Variants in LEKR1 observed in about 807,000 individuals in gnomAD.
The protein encoded by LEKR1 is protein LEKR1.
A neutral mutation model predicts 72.4 loss-of-function variants in LEKR1; 59 were observed. That is an observed-to-expected ratio of 0.82 (90% CI 0.66 to 1.01). The LOEUF (loss-of-function observed/expected upper bound fraction) is 1.01. Ranked by LOEUF, LEKR1 falls within the 50% of genes least tolerant of loss-of-function variation. The pLI is 0.00. For synonymous variants in LEKR1, 257 were observed against 263.2 expected, an observed-to-expected ratio of 0.98 and a Z score of 0.23; for missense variants, 728 against 759.2, an observed-to-expected ratio of 0.96 and a Z score of 0.48.
chr3:156,944,871 A>G (rs141895517), intron 6 of LEKR1, among the ~76,000 whole-genome samples: 1,939 of 151,886 alleles, frequency 0.013, 19 homozygotes, highest in Middle Eastern at 0.034. Flanking sequence ...TAGTGCTGCA[A>G]TAAACATGGG....
intron 7 of LEKR1, among the ~76,000 whole-genome samples, chr3:156,990,714 G>A (rs925914350): frequency 6.6e-6 from 1 of 152,182 alleles, no homozygotes; most frequent in African/African-American, 2.4e-5. Flanking sequence ...GGTTTAGTAA[G>A]TAGAAGCCCC....
chr3:157,043,516 G>C (rs1735522132), intron 12 of LEKR1, among the ~76,000 whole-genome samples: 1 of 151,570 alleles, frequency 6.6e-6, no homozygotes, highest in Non-Finnish European at 1.5e-5. Flanking sequence ...TAATGAATTA[G>C]ACAACTAATT....
At chr3:156,930,719 C>G (rs2108576727) in intron 5 of LEKR1, among the ~76,000 whole-genome samples, 1 of 152,132 alleles carries the variant, frequency 6.6e-6, no homozygotes, top group East Asian at 1.9e-4. Flanking sequence ...GCATATGGAT[C>G]AACAAAGATG....
In LEKR1 at chr3:157,037,796, G is replaced by A. The variant is rs370753702; in HGVS notation, c.1669-7544G>A. ...CTGAAGGAGGGGTGCTATATTAGAT[G>A]GGGTAGTAAGAGGACTCTGAGGAAA... On this transcript the variant is annotated intron_variant, in intron 12 of 12. Transcript: ENST00000356539. 2.6e-5 allele frequency among the ~76,000 whole-genome samples: 4 copies of A among 152,290 alleles called. No homozygotes were observed. The East Asian group carries it at 7.7e-4, about 29-fold the overall frequency.
At chr3:156,909,297 T>TA (rs1326253961) in intron 3 of LEKR1, among the ~76,000 whole-genome samples, 1 of 152,180 alleles carries the variant, frequency 6.6e-6, no homozygotes, top group East Asian at 1.9e-4. Flanking sequence ...CATTATCCTT[T>TA]ATTTCTAAAT....
intron 9 of LEKR1, among the ~76,000 whole-genome samples, chr3:157,003,886 C>A (rs1426220569): frequency 6.6e-6 from 1 of 151,702 alleles, no homozygotes; most frequent in Non-Finnish European, 1.5e-5. Flanking sequence ...AATCATAAAA[C>A]ATGCAAAATC....
intron 6 of LEKR1, among the ~76,000 whole-genome samples, chr3:156,968,649 T>G (rs2107989958): frequency 6.6e-6 from 1 of 152,252 alleles, no homozygotes; most frequent in East Asian, 1.9e-4. Flanking sequence ...AGAAAGAGAC[T>G]TAGACTCCCC....
chr3:156,949,650 G>A (rs967030520), intron 6 of LEKR1, among the ~76,000 whole-genome samples: 1 of 151,190 alleles, frequency 6.6e-6, no homozygotes. Flanking sequence ...TAACAGTCCC[G>A]ACCTTCTAGG....
At chr3:156,853,057 T>G (rs1377642088) in intron 3 of LEKR1, 75 bp downstream of exon 3, 1 of 982,462 alleles carries the variant, frequency 1.0e-6, no homozygotes, top group Non-Finnish European at 1.5e-6. Context: ...CTTTGAATGT[T>G]TTTCTAAAAT....
rs189813879 is a variant in LEKR1 at position 157,029,569 on chromosome 3, A to T, written c.1668+1167A>T. Among the ~76,000 whole-genome samples the T allele has an allele frequency of 2.0e-5, 3 of 152,176 alleles. No homozygotes were observed. In the East Asian group the frequency reaches 5.8e-4, roughly 29 times the overall value. On this transcript the variant is annotated intron_variant, in intron 12 of 12. Coordinates refer to ENST00000356539, the MANE Select transcript of LEKR1 (RefSeq NM_001004316.3). Reference sequence around the variant, plus strand: ...GACTTAGCAGTTATAATCTCCAGGGACTCAATTTTCTTTTAGTATTATAAT... The same window carrying T: ...GACTTAGCAGTTATAATCTCCAGGGTCTCAATTTTCTTTTAGTATTATAAT...
chr3:156,991,485 A>G (rs1303377518), intron 7 of LEKR1, among the ~76,000 whole-genome samples: 1 of 152,134 alleles, frequency 6.6e-6, no homozygotes, highest in East Asian at 1.9e-4. Context: ...TACATAATTC[A>G]TTGTGTGATT....
At chr3:156,909,328 A>G (rs1161166294) in intron 3 of LEKR1, among the ~76,000 whole-genome samples, 1 of 151,732 alleles carries the variant, frequency 6.6e-6, no homozygotes, top group Non-Finnish European at 1.5e-5. Context: ...TTCCATTTTT[A>G]TTTTCTATTT....
chr3:157,039,344 A>G (rs960776781), intron 12 of LEKR1, among the ~76,000 whole-genome samples: 3 of 152,242 alleles, frequency 2.0e-5, no homozygotes, highest in African/African-American at 7.2e-5. Context: ...GTTCAGGCCA[A>G]GTGTGGTGGC....
chr3:156,919,451 T>C (rs938752093), intron 3 of LEKR1, among the ~76,000 whole-genome samples: 1 of 152,222 alleles, frequency 6.6e-6, no homozygotes, highest in Non-Finnish European at 1.5e-5. Flanking sequence ...TGGGAGCTTA[T>C]TCCTCTGCTG....
chr3:157,021,646 A>T (rs1471136198), intron 10 of LEKR1, among the ~76,000 whole-genome samples: 3 of 152,160 alleles, frequency 2.0e-5, no homozygotes, highest in Non-Finnish European at 4.4e-5. Flanking sequence ...GTATTTGGAA[A>T]GATGTCGTTT....
intron 11 of LEKR1, among the ~76,000 whole-genome samples, chr3:157,025,573 A>G (rs965096475): frequency 2.0e-5 from 3 of 152,194 alleles, no homozygotes; most frequent in African/African-American, 4.8e-5. Flanking sequence ...TGGCTTCTAC[A>G]TTTGTGTACA....
At chr3:156,867,921 C>T (rs1400951407) in intron 3 of LEKR1, among the ~76,000 whole-genome samples, 3 of 152,052 alleles carry the variant, frequency 2.0e-5, no homozygotes, top group South Asian at 2.1e-4. Context: ...TACCACTGTA[C>T]ATAACATAGG....
In LEKR1 at chr3:156,909,655, C is replaced by CAA. The variant is rs10662704; in HGVS notation, c.264-10904_264-10903dup. Among the ~76,000 whole-genome samples, 516 of 101,706 alleles carry CAA rather than the reference C, an allele frequency of 5.1e-3. 5 individuals carry two copies. Among genetic ancestry groups the CAA allele is most frequent in the Middle Eastern group, 8.9e-3 (2 of 224 alleles). 66.7% of individuals were successfully genotyped at this position (101,706 alleles called of 152,430 possible). A position where few individuals can be genotyped will look rare whatever the true frequency, so the allele number is the denominator to read the frequency against. ...GAGGCGACAGAGTGAGAGTCTGTCT[C>CAA]AAAAAAAAAAAAAAAAAGAAATCTT... On this transcript the variant is annotated intron_variant, in intron 3 of 12. Transcript: ENST00000356539.
intron 10 of LEKR1, among the ~76,000 whole-genome samples, chr3:157,023,786 A>G (rs1734004727): frequency 6.6e-6 from 1 of 152,190 alleles, no homozygotes; most frequent in Non-Finnish European, 1.5e-5. Flanking sequence ...TCATGGAAAC[A>G]TGAGAGATTG....
Sources: allele counts gnomAD v4.1 joint callset (sites outside exome capture counted in the v4.1 genomes callset), GRCh38; gene constraint gnomAD v4.1.1; transcripts MANE v1.5; gene names NCBI Gene and HGNC (gene_info 2026-07-23, HGNC 2026-07-21).